SCN3A: variants seen among roughly 807,000 people sequenced by gnomAD.
SCN3A encodes the protein sodium voltage-gated channel alpha subunit 3.
In SCN3A, 60 loss-of-function variants were observed where a neutral mutation model predicts 187.6. The observed-to-expected ratio is 0.32, with a 90% CI of 0.26 to 0.40. The LOEUF is 0.40. Among genes scored for constraint, SCN3A ranks in the 10% least tolerant of loss-of-function variants. The pLI is 1.00. For synonymous variants in SCN3A, 788 were observed against 829.2 expected (o/e 0.95, Z 0.85); for missense variants, 1,601 against 2,428.2 (o/e 0.66, Z 7.16).
intron 11 of SCN3A, among the ~76,000 whole-genome samples, chr2:165,152,888 T>C (rs1688773130): frequency 6.6e-6 from 1 of 151,908 alleles, no homozygotes; most frequent in Non-Finnish European, 1.5e-5. Context: ...ACCTGCATGT[T>C]GTGCACATGT....
intron 1 of SCN3A, among the ~76,000 whole-genome samples, chr2:165,202,643 C>A (rs1574372926): frequency 1.3e-5 from 2 of 151,954 alleles, no homozygotes; most frequent in Admixed American, 1.3e-4. Context: ...TTCAACATAT[C>A]ATTAGGAATT....
Position 165,138,034 on chromosome 2 carries a change from A to G in SCN3A, c.2236T>C (p.Trp746Arg). 6.2e-7 allele frequency: 1 copy of G among 1,613,636 alleles called. No homozygotes were observed. Among genetic ancestry groups the G allele is most frequent in the Non-Finnish European group, 8.5e-7 (1 of 1,179,632 alleles). The change falls in exon 15 of 28, where the codon TGG becomes CGG. Residue 746 changes from tryptophan (W) to arginine (R), a missense_variant. Transcript: ENST00000283254. ...TTCACAAGATGTTTTACTTTTAACC[A>G]TGCATCACAGCAGTCCCAGATCAAG... is the stretch of plus-strand genomic sequence containing the variant. ...VFLIWDCCDAWLKVKHLVNLI... is the reference protein window; with the variant it reads ...VFLIWDCCDARLKVKHLVNLI...
chr2:165,166,694 G>A (rs1689780343), intron 5 of SCN3A, among the ~76,000 whole-genome samples: 1 of 152,024 alleles, frequency 6.6e-6, no homozygotes, highest in Non-Finnish European at 1.5e-5. Flanking sequence ...CCCAGGGTTT[G>A]GGGTAGTAAC....
rs901676147 is a variant in SCN3A, at chr2:165,088,466, T to C, written c.*1684A>G. ...AAAGTTGAATAAAAAAAAACATCTA[T>C]GAATAAAAGGTTATATTGAGGCAAC... On this transcript the variant is annotated 3_prime_UTR_variant, in exon 28 of 28. Coordinates refer to ENST00000283254, the MANE Select transcript of SCN3A (RefSeq NM_006922.4). 1 of 152,440 alleles carries C rather than the reference T, an allele frequency of 6.6e-6. No homozygotes were observed. Among genetic ancestry groups the C allele is most frequent in the Non-Finnish European group, 1.5e-5 (1 of 67,924 alleles). The allele number at this position is 152,440 out of a possible 1,614,324, so 9.4% of individuals were successfully genotyped here.
intron 2 of SCN3A, among the ~76,000 whole-genome samples, chr2:165,185,066 A>G (rs1421248898): frequency 6.6e-6 from 1 of 152,082 alleles, no homozygotes; most frequent in Admixed American, 6.5e-5. Flanking sequence ...GCTCTGAAAA[A>G]AAAAAAAAGC....
rs765921178 is a variant in SCN3A, at chr2:165,127,834, G to A, written c.3190C>T (p.Leu1064Phe). ...CTGGTGGTTCCATTCCCATCTCTAA[G>A]ATAATTAAGCTCTTTGCTTATTTCA... is the stretch of plus-strand genomic sequence containing the variant. Reference protein sequence around the residue: ...GIEISKELNYLRDGNGTTSGV... With the variant: ...GIEISKELNYFRDGNGTTSGV... Residue 1064 changes from leucine (L) to phenylalanine (F), a missense_variant, in exon 18 of 28, where the codon CTT (leucine) becomes TTT (phenylalanine). By Grantham distance (22) the Leu-to-Phe change is conservative. Transcript: ENST00000283254. 2 of 1,614,108 alleles carry A rather than the reference G, an allele frequency of 1.2e-6. No individual in the cohort carries two copies. Among genetic ancestry groups the A allele is most frequent in the Non-Finnish European group, 8.5e-7 (1 of 1,180,006 alleles).
At position 165,146,382 on chromosome 2, in the gene SCN3A, A is replaced by G. The variant is rs2390208; in HGVS notation, c.1671+357T>C. Among the ~76,000 whole-genome samples the G allele has an allele frequency of 4.6e-3, 499 of 107,842 alleles. 1 individual carries two copies. Among genetic ancestry groups the G allele is most frequent in the African/African-American group, 0.012 (376 of 31,318 alleles). The allele number at this position is 107,842 out of a possible 152,430, so 70.7% of individuals were successfully genotyped here. ...GCTAGTGTAGGTTATATATATATAT[A>G]TGTGTGTGTGTGTGTGTGTGTGTGT... On this transcript the variant is annotated intron_variant, in intron 12 of 27. Transcript: ENST00000283254.
intron 1 of SCN3A, among the ~76,000 whole-genome samples, chr2:165,190,608 A>G (rs1459413338): frequency 6.8e-6 from 1 of 147,330 alleles, no homozygotes; most frequent in East Asian, 1.9e-4. Context: ...AACTTTATAT[A>G]TATATATATA....
chr2:165,104,139 T>G (rs558421206), intron 21 of SCN3A, among the ~76,000 whole-genome samples: 1 of 152,134 alleles, frequency 6.6e-6, no homozygotes, highest in Non-Finnish European at 1.5e-5. Flanking sequence ...GTAGGAGTCT[T>G]TTTGAATTAC....
At position 165,095,625 on chromosome 2, in the gene SCN3A, T is replaced by C; in HGVS notation, c.4317A>G (p.Glu1439=). The change falls in exon 25 of 28, where the codon GAA becomes GAG. Residue 1439 remains glutamate, a synonymous_variant. Transcript: ENST00000283254. ...AGTATAAATACATGTACAGATTTTC[T>C]TCATATACAGGCTGAAGTTTAACCT... The part of the protein sequence containing the change: ...SRDVKLQPVY[E]ENLYMYLYFV... 1 of 1,482,602 alleles carries C rather than the reference T, an allele frequency of 6.7e-7. No homozygotes were observed. The highest frequency in any genetic ancestry group is 2.3e-5 in the East Asian group (1 of 44,146). The allele number at this position is 1,482,602 out of a possible 1,614,324, so 91.8% of individuals were successfully genotyped here.
chr2:165,106,741 T>G (rs528031467), intron 21 of SCN3A, among the ~76,000 whole-genome samples: 1 of 152,328 alleles, frequency 6.6e-6, no homozygotes, highest in East Asian at 1.9e-4. Flanking sequence ...CTTGTTTGCC[T>G]TTACTGTCAC....
chr2:165,181,857 T>G (rs1219035540), intron 2 of SCN3A, among the ~76,000 whole-genome samples: 1 of 152,228 alleles, frequency 6.6e-6, no homozygotes, highest in Non-Finnish European at 1.5e-5. Flanking sequence ...ATATTCCTCC[T>G]ATTTCATCAT....
intron 26 of SCN3A, chr2:165,094,012 A>T (rs1395115820): frequency 4.3e-6 from 1 of 232,004 alleles, no homozygotes; most frequent in Non-Finnish European, 8.5e-6. Context: ...TTCTAGTCTT[A>T]AGAATGGAGG....
At position 165,092,569 on chromosome 2, in the gene SCN3A, T is replaced by C. The variant is rs762363030; in HGVS notation, c.4537-45A>G. 11 of 1,557,366 alleles carry C rather than the reference T, an allele frequency of 7.1e-6. No individual in the cohort carries two copies. In the Admixed American group the frequency reaches 1.3e-4, roughly 19 times the overall value. On this transcript the variant is annotated intron_variant, in intron 26 of 27. Coordinates refer to ENST00000283254, the MANE Select transcript of SCN3A (RefSeq NM_006922.4). The surrounding 1 kb of genome is among the most constrained non-coding windows in gnomAD (Gnocchi z 4.2). The stretch of plus-strand genomic sequence containing the variant: ...AAATAAGGTTACTATATATATTTCA[T>C]AAAGAATAATGCAGTAAAATTGTAG...
rs1399349380 is a variant in SCN3A, at chr2:165,088,668, T to A, written c.*1482A>T. ...AAAAGTTTGGAATTGTGATTAAAAA[T>A]CAAAAGCAAAAGCATAAAGTAAAAT... On this transcript the variant is annotated 3_prime_UTR_variant, in exon 28 of 28. Coordinates refer to ENST00000283254, the MANE Select transcript of SCN3A (RefSeq NM_006922.4). 1 of 152,488 alleles carries A rather than the reference T, an allele frequency of 6.6e-6. No individual in the cohort carries two copies. Among genetic ancestry groups the A allele is most frequent in the African/African-American group, 2.4e-5 (1 of 41,426 alleles). 9.4% of individuals were successfully genotyped at this position (152,488 alleles called of 1,614,324 possible).
chr2:165,179,382 T>C (rs1003995761), intron 2 of SCN3A, among the ~76,000 whole-genome samples: 12 of 152,170 alleles, frequency 7.9e-5, no homozygotes, highest in African/African-American at 2.7e-4. Context: ...TTTTACTTAA[T>C]TGGATTCTCC....
chr2:165,164,378 T>G lies in SCN3A; in HGVS notation c.602+14A>C. On this transcript the variant is annotated intron_variant, in intron 6 of 27. Transcript: ENST00000283254. ...TCACTCCTTTGCGCTTATCAAATTT[T>G]CAAAGTTACTCACGCCATCACAATG... is the stretch of plus-strand genomic sequence containing the variant. 1 of 1,613,656 alleles carries G rather than the reference T, an allele frequency of 6.2e-7. No individual in the cohort carries two copies. Among genetic ancestry groups the G allele is most frequent in the South Asian group, 1.1e-5 (1 of 91,068 alleles).
intron 23 of SCN3A, 153 bp downstream of exon 23, chr2:165,097,099 T>A: frequency 1.4e-6 from 1 of 725,458 alleles, no homozygotes; most frequent in Non-Finnish European, 2.2e-6. Context: ...GTAACATCTT[T>A]TTTATGATCA....
At chr2:165,147,072 T>C (rs759992094) in intron 11 of SCN3A, 43 bp from the exon 12 acceptor site, 1 of 1,608,616 alleles carries the variant, frequency 6.2e-7, no homozygotes, top group Admixed American at 1.7e-5. Context: ...ACACAGAGCT[T>C]TGAAAACAGT....
Sources: allele counts gnomAD v4.1 joint callset (sites outside exome capture counted in the v4.1 genomes callset), GRCh38; gene constraint gnomAD v4.1.1; non-coding constraint Gnocchi (gnomAD v3.1); transcripts MANE v1.5; gene names NCBI Gene and HGNC (gene_info 2026-07-23, HGNC 2026-07-21).